Variants in DPP6 observed in about 807,000 individuals in gnomAD.
The protein encoded by DPP6 is dipeptidyl peptidase like 6, also known as A-type potassium channel modulatory protein DPP6.
A neutral mutation model predicts 122.6 loss-of-function variants in DPP6; 69 were observed. That is an observed-to-expected ratio of 0.56 (90% CI 0.46 to 0.69). The LOEUF is 0.69. DPP6 is among the 30% of genes least tolerant of loss of function. The probability of loss-of-function intolerance (pLI) is 0.00; values close to 1 mark genes in which losing one functional copy is unlikely to be tolerated. For missense variants in DPP6, 928 were observed against 1,116.9 expected, an observed-to-expected ratio of 0.83 and a Z score of 2.41; for synonymous variants, 418 against 433.1, an observed-to-expected ratio of 0.97 and a Z score of 0.43.
intron 16 of DPP6, among the ~76,000 whole-genome samples, chr7:154,813,111 C>T (rs546654506): frequency 1.5e-4 from 23 of 149,426 alleles, no homozygotes; most frequent in Admixed American, 2.0e-4. Flanking sequence ...GACAGAGTCT[C>T]GCTCTGTTGC....
chr7:154,583,973 C>T lies in DPP6; in HGVS notation c.627+17057C>T, dbSNP rs562486080. 5.3e-5 allele frequency among the ~76,000 whole-genome samples: 8 copies of T among 152,308 alleles called. No homozygotes were observed. The South Asian group carries it at 1.7e-3, about 32-fold the overall frequency. Reference sequence around the variant, plus strand: ...TCTGTCTCCCTGGCCCAGGCAGCATCGCCATCCCCCTGCCTTTGGGATATG... The same window carrying T: ...TCTGTCTCCCTGGCCCAGGCAGCATTGCCATCCCCCTGCCTTTGGGATATG... On this transcript the variant is annotated intron_variant, in intron 5 of 25. Coordinates refer to ENST00000377770, the MANE Select transcript of DPP6 (RefSeq NM_130797.4).
intron 1 of DPP6, among the ~76,000 whole-genome samples, chr7:154,419,848 C>A (rs75986718): frequency 0.028 from 4,229 of 152,158 alleles, 187 homozygotes; most frequent in African/African-American, 0.097. Context: ...CAGGGTGTTT[C>A]CAAAATAAGT....
intron 5 of DPP6, among the ~76,000 whole-genome samples, chr7:154,632,363 G>A (rs1035209102): frequency 3.3e-5 from 5 of 152,192 alleles, no homozygotes; most frequent in African/African-American, 9.6e-5. Context: ...AGGAAGAGTA[G>A]AAGATGGATT....
chr7:154,318,803 C>A (rs73167329), intron 1 of DPP6, among the ~76,000 whole-genome samples: 8,127 of 152,274 alleles, frequency 0.053, 288 homozygotes, highest in Middle Eastern at 0.1. Context: ...ACCCCACCCC[C>A]CCCAAGCCAT....
intron 1 of DPP6, among the ~76,000 whole-genome samples, chr7:153,921,272 C>T (rs975434578): frequency 6.6e-6 from 1 of 152,258 alleles, no homozygotes; most frequent in African/African-American, 2.4e-5. Context: ...CTCTCCTCCT[C>T]AGGCCTCTAG....
chr7:154,128,098 C>T (rs1299547693), intron 1 of DPP6, among the ~76,000 whole-genome samples: 1 of 149,606 alleles, frequency 6.7e-6, no homozygotes, highest in East Asian at 1.9e-4. Flanking sequence ...GTTTACCTTA[C>T]CCGCAACAGG....
intron 2 of DPP6, among the ~76,000 whole-genome samples, chr7:154,454,715 C>G (rs1314210155): frequency 6.6e-6 from 1 of 152,128 alleles, no homozygotes; most frequent in Non-Finnish European, 1.5e-5. Flanking sequence ...CCGTTTACAC[C>G]AGTGTCCTAA....
intron 1 of DPP6, among the ~76,000 whole-genome samples, chr7:154,178,450 C>T (rs1389986072): frequency 6.6e-6 from 1 of 150,400 alleles, no homozygotes; most frequent in African/African-American, 2.4e-5. Flanking sequence ...AATGGGTTTT[C>T]TCTACCCATC....
chr7:154,841,685 G>A (rs191661953), intron 16 of DPP6, among the ~76,000 whole-genome samples: 12 of 151,888 alleles, frequency 7.9e-5, no homozygotes, highest in Admixed American at 1.3e-4. Context: ...GAGGTTCCCT[G>A]TGACTATAAA....
At chr7:153,826,434 T>C in the DPP6 span, among the ~76,000 whole-genome samples, 1 of 152,320 alleles carries the variant, frequency 6.6e-6, no homozygotes, top group East Asian at 1.9e-4. Flanking sequence ...TAGTTGTCAT[T>C]GTATCCATTG....
At position 153,887,634 on chromosome 7, in the gene DPP6, AT is replaced by A; in HGVS notation, c.-48del. 3 of 1,609,034 alleles carry A rather than the reference AT, an allele frequency of 1.9e-6. No individual in the cohort carries two copies. In the Admixed American group the frequency reaches 5.0e-5, roughly 27 times the overall value. On this transcript the variant is annotated 5_prime_UTR_variant, in exon 1 of 26. Coordinates refer to the DPP6 transcript ENST00000404039. ...ACTTTAATCCTCACCAGGACAATGG[AT>A]TAAGTTTCTCTTCCCTGGACCAGAA...
chr7:154,547,285 T>C (rs927366280), intron 4 of DPP6, among the ~76,000 whole-genome samples: 15 of 152,258 alleles, frequency 9.9e-5, no homozygotes, highest in African/African-American at 3.6e-4. Flanking sequence ...GAAACAGCCG[T>C]GTTTTTGTGT....
chr7:153,916,716 A>G (rs1300447234), intron 1 of DPP6, among the ~76,000 whole-genome samples: 2 of 151,878 alleles, frequency 1.3e-5, no homozygotes, highest in East Asian at 1.9e-4. Context: ...CTTCTTTTTT[A>G]TTTTTACATA....
At chr7:154,071,558 C>T (rs568149330) in intron 1 of DPP6, among the ~76,000 whole-genome samples, 29 of 152,260 alleles carry the variant, frequency 1.9e-4, no homozygotes, top group African/African-American at 6.3e-4. Context: ...TCCAAACATA[C>T]GGAAAAGTGG....
rs1160061341 is a variant in DPP6, at chr7:154,875,364, A to G, written c.1884-542A>G. On this transcript the variant is annotated intron_variant, in intron 19 of 25. Coordinates refer to ENST00000377770, the MANE Select transcript of DPP6 (RefSeq NM_130797.4). The surrounding 1 kb of genome is among the most constrained non-coding windows in gnomAD (Gnocchi z 4.5). ...TCGGAGGCCACACTGCCCAGAGCCA[A>G]TGGCTCCTTGACTCCCGAGCAGAGG... Among the ~76,000 whole-genome samples, 2 of 152,188 alleles carry G rather than the reference A, an allele frequency of 1.3e-5. No homozygotes were observed. The highest frequency in any genetic ancestry group is 4.8e-5 in the African/African-American group (2 of 41,438).
chr7:154,566,748 T>C (rs1177234315), intron 4 of DPP6, 94 bp from the exon 5 acceptor site: 6 of 693,070 alleles, frequency 8.7e-6, no homozygotes, highest in Non-Finnish European at 1.5e-5. Flanking sequence ...AGCTAATTAA[T>C]TTTGAAAATG....
intron 16 of DPP6, among the ~76,000 whole-genome samples, chr7:154,828,186 G>A (rs1024393415): frequency 6.6e-6 from 1 of 152,160 alleles, no homozygotes; most frequent in African/African-American, 2.4e-5. Flanking sequence ...TTATTCGTGG[G>A]AGATACACAG....
intron 8 of DPP6, among the ~76,000 whole-genome samples, chr7:154,741,773 C>T (rs763147760): frequency 6.6e-6 from 1 of 152,200 alleles, no homozygotes; most frequent in Non-Finnish European, 1.5e-5. Context: ...TTATTATCCA[C>T]TTCTTTTATG....
chr7:154,892,277 C>G, intron 25 of DPP6, 57 bp from the exon 26 acceptor site: 1 of 1,611,540 alleles, frequency 6.2e-7, no homozygotes. Flanking sequence ...TCTGTGCGTT[C>G]CCGTCCCCTG....
Sources: allele counts gnomAD v4.1 joint callset (sites outside exome capture counted in the v4.1 genomes callset), GRCh38; gene constraint gnomAD v4.1.1; non-coding constraint Gnocchi (gnomAD v3.1); transcripts MANE v1.5; gene names NCBI Gene and HGNC (gene_info 2026-07-23, HGNC 2026-07-21).